Variants in NUP54 observed in about 807,000 individuals in gnomAD.
The protein encoded by NUP54 is nucleoporin 54, also known as nucleoporin p54.
In NUP54, 27 loss-of-function variants were observed where a neutral mutation model predicts 66.4. The observed-to-expected ratio is 0.41, with a 90% CI of 0.30 to 0.56. NUP54 has a LOEUF of 0.56. NUP54 is among the 20% of genes least tolerant of loss of function. The probability of loss-of-function intolerance (pLI) is 0.34; values close to 1 mark genes in which losing one functional copy is unlikely to be tolerated. For missense variants in NUP54, 486 were observed against 596.3 expected, an observed-to-expected ratio of 0.82 and a Z score of 1.93; for synonymous variants, 206 against 210.7, an observed-to-expected ratio of 0.98 and a Z score of 0.19.
Position 76,115,440 on chromosome 4 carries a change from C to T in NUP54, c.1450G>A (p.Asp484Asn), listed in dbSNP as rs745788090. The change falls in exon 12 of 12, where the codon GAT becomes AAT. Residue 484 changes from aspartate (D) to asparagine (N), a missense_variant. Around this residue, in one of 4 missense-constraint regions of NUP54, gnomAD observed 83 missense variants for 128.6 expected, o/e 0.65. Transcript: ENST00000264883. Reference sequence around the variant, plus strand: ...TCGACCAGCTTTATATCTTCTAGATCGTCTTTAATGATGCTAATCAAATGG... The same window carrying T: ...TCGACCAGCTTTATATCTTCTAGATTGTCTTTAATGATGCTAATCAAATGG... ...LSHLISIIKD[D>N]LEDIKLVEHG... The T allele has an allele frequency of 4.3e-6, 7 of 1,611,046 alleles. No individual in the cohort carries two copies. Among genetic ancestry groups the T allele is most frequent in the Non-Finnish European group, 5.9e-6 (7 of 1,178,676 alleles).
chr4:76,124,406 T>C (rs1730368124), intron 9 of NUP54, among the ~76,000 whole-genome samples: 1 of 152,208 alleles, frequency 6.6e-6, no homozygotes, highest in Non-Finnish European at 1.5e-5. Flanking sequence ...ATGCTTTATT[T>C]CTTCACTGCT....
At chr4:76,120,480 A>G (rs1730186064) in intron 9 of NUP54, among the ~76,000 whole-genome samples, 2 of 136,348 alleles carry the variant, frequency 1.5e-5, no homozygotes, top group South Asian at 2.3e-4. Flanking sequence ...CCCAAGCTGG[A>G]GTGCAGTGCC....
At chr4:76,126,734 T>A (rs1039046277) in intron 8 of NUP54, among the ~76,000 whole-genome samples, 1 of 152,154 alleles carries the variant, frequency 6.6e-6, no homozygotes, top group Non-Finnish European at 1.5e-5. Context: ...TTAAAGGACA[T>A]AAAAGACTGC....
At chr4:76,142,562 G>A (rs1731308911) in intron 3 of NUP54, among the ~76,000 whole-genome samples, 1 of 152,140 alleles carries the variant, frequency 6.6e-6, no homozygotes, top group South Asian at 2.1e-4. Context: ...AATCTCTCAG[G>A]TTCCTCTCTT....
intron 4 of NUP54, among the ~76,000 whole-genome samples, chr4:76,135,911 G>A (rs1386860810): frequency 6.6e-6 from 1 of 152,106 alleles, no homozygotes; most frequent in African/African-American, 2.4e-5. Flanking sequence ...CCCTTTACAG[G>A]TGCCAGGCAA....
chr4:76,119,931 CA>C (rs1211457008), intron 9 of NUP54, among the ~76,000 whole-genome samples: 1 of 151,898 alleles, frequency 6.6e-6, no homozygotes, highest in African/African-American at 2.4e-5. Context: ...ATTTTATTAT[CA>C]ATATTAACCA....
At chr4:76,130,798 A>G in intron 7 of NUP54, 49 bp from the exon 8 acceptor site, 1 of 1,216,490 alleles carries the variant, frequency 8.2e-7, no homozygotes, top group Non-Finnish European at 1.2e-6. Flanking sequence ...TATTACTACA[A>G]AATACAAGAA....
chr4:76,144,416 G>C lies in NUP54; in HGVS notation c.125C>G (p.Ser42Cys). 1 of 1,609,520 alleles carries C rather than the reference G, an allele frequency of 6.2e-7. No homozygotes were observed. The highest frequency in any genetic ancestry group is 8.5e-7 in the Non-Finnish European group (1 of 1,178,868). The change falls in exon 2 of 12, where the codon TCT becomes TGT. Residue 42 changes from serine (S) to cysteine (C), a missense_variant. Ser to Cys is a moderately radical substitution (Grantham distance 112, BLOSUM62 -1). Transcript: ENST00000264883. The stretch of plus-strand genomic sequence containing the variant: ...AGTAGTGCCTGTGTTAGTTGGGGCA[G>C]AAAAGCTGAATGCAGAACCTGCAGT... The part of the protein sequence containing the change: ...STTAGSAFSF[S>C]APTNTGTTGL...
intron 7 of NUP54, 188 bp from the exon 8 acceptor site, chr4:76,130,937 G>T (rs1405127675): frequency 4.9e-6 from 3 of 609,240 alleles, no homozygotes; most frequent in East Asian, 5.5e-5. Flanking sequence ...TACAAATGAG[G>T]AAATACAGTT....
At chr4:76,123,522 C>CT (rs1730328067) in intron 9 of NUP54, among the ~76,000 whole-genome samples, 4 of 150,672 alleles carry the variant, frequency 2.7e-5, no homozygotes, top group African/African-American at 7.3e-5. Context: ...TTTTTTTCTC[C>CT]TTTTTTCTGA....
At chr4:76,141,670 A>G (rs1731272350) in intron 3 of NUP54, among the ~76,000 whole-genome samples, 1 of 152,180 alleles carries the variant, frequency 6.6e-6, no homozygotes, top group Admixed American at 6.5e-5. Flanking sequence ...CAGCTTCACC[A>G]GATCTCTGCC....
chr4:76,137,980 G>A (rs1284974194), intron 3 of NUP54, among the ~76,000 whole-genome samples: 1 of 152,104 alleles, frequency 6.6e-6, no homozygotes, highest in Non-Finnish European at 1.5e-5. Context: ...TGTAGATGAG[G>A]AGAAAACGTG....
At chr4:76,147,336 A>G in intron 1 of NUP54, 1 of 458,256 alleles carries the variant, frequency 2.2e-6, no homozygotes, top group Non-Finnish European at 3.4e-6. Context: ...AAAACTTGAT[A>G]CAGATGTTTT....
intron 3 of NUP54, among the ~76,000 whole-genome samples, chr4:76,140,609 A>C (rs1237445994): frequency 6.6e-6 from 1 of 152,206 alleles, no homozygotes; most frequent in Non-Finnish European, 1.5e-5. Context: ...AGTCAAGGCC[A>C]TCTGCTAAAA....
At chr4:76,147,574 G>C in intron 1 of NUP54, 3 of 1,289,760 alleles carry the variant, frequency 2.3e-6, no homozygotes, top group Non-Finnish European at 3.0e-6. Context: ...AGGATTAGCA[G>C]TTAATCCGAA....
chr4:76,144,115 GT>G (rs765925358), intron 3 of NUP54, 33 bp downstream of exon 3: 19 of 1,610,456 alleles, frequency 1.2e-5, no homozygotes, highest in Non-Finnish European at 1.5e-5. Context: ...TATCATCACG[GT>G]TTTGTATTTG....
chr4:76,120,475 G>A (rs1161232444), intron 9 of NUP54, among the ~76,000 whole-genome samples: 2 of 144,330 alleles, frequency 1.4e-5, no homozygotes, highest in Non-Finnish European at 3.0e-5. Context: ...TGTCACCCAA[G>A]CTGGAGTGCA....
chr4:76,127,418 C>T (rs1035876450), intron 8 of NUP54, among the ~76,000 whole-genome samples: 9 of 129,132 alleles, frequency 7.0e-5, no homozygotes, highest in African/African-American at 1.8e-4. Flanking sequence ...GGCGACAGAA[C>T]GAGACCCCCA....
chr4:76,138,579 TCAAA>T (rs1578690103), intron 3 of NUP54, among the ~76,000 whole-genome samples: 1 of 152,132 alleles, frequency 6.6e-6, no homozygotes, highest in Non-Finnish European at 1.5e-5. Context: ...ACTGAACACA[TCAAA>T]CAAATATTAA....
Sources: allele counts gnomAD v4.1 joint callset (sites outside exome capture counted in the v4.1 genomes callset), GRCh38; gene constraint gnomAD v4.1.1; regional missense constraint gnomAD v4.1.1; transcripts MANE v1.5; gene names NCBI Gene and HGNC (gene_info 2026-07-23, HGNC 2026-07-21).